The following PLA2G4D variants were observed in gnomAD, a reference collection of about 807,000 sequenced individuals.
PLA2G4D encodes phospholipase A2 group IVD, also known as cytosolic phospholipase A2 delta.
A neutral mutation model predicts 94.4 loss-of-function variants in PLA2G4D; 80 were observed. That is an observed-to-expected ratio of 0.85 (90% confidence interval 0.71 to 1.02). PLA2G4D has a LOEUF of 1.02. Ranked by LOEUF, PLA2G4D falls within the 50% of genes least tolerant of loss-of-function variation. PLA2G4D has a pLI of 0.00. For missense variants in PLA2G4D, 1,050 were observed against 1,034.7 expected (o/e 1.01, Z -0.20); for synonymous variants, 438 against 440.9 (o/e 0.99, Z 0.08).
At position 42,094,437 on chromosome 15, in the gene PLA2G4D, C is replaced by G; in HGVS notation, c.23G>C (p.Gly8Ala). ...TACCTGGTAAGGGTGGCCAGGTGGT[C>G]CCCCAGGTGACAGGCTCTCCATGCT... MESLSPG[G>A]PPGHPYQGEA... Residue 8 changes from glycine to alanine, a missense_variant, in exon 1 of 20, where the codon GGA (glycine) becomes GCA (alanine). Transcript: ENST00000290472. The G allele has an allele frequency of 6.2e-7, 1 of 1,614,056 alleles. No homozygotes were observed. Among genetic ancestry groups the G allele is most frequent in the Non-Finnish European group, 8.5e-7 (1 of 1,179,970 alleles).
At chr15:42,079,137 TAGTA>T (rs1889982792) in intron 13 of PLA2G4D, among the ~76,000 whole-genome samples, 1 of 152,230 alleles carries the variant, frequency 6.6e-6, no homozygotes, top group Non-Finnish European at 1.5e-5. Context: ...GACACACAGC[TAGTA>T]AGAGGTACTG....
At chr15:42,082,770 G>A (rs1327788062) in intron 8 of PLA2G4D, among the ~76,000 whole-genome samples, 1 of 152,156 alleles carries the variant, frequency 6.6e-6, no homozygotes, top group Non-Finnish European at 1.5e-5. Flanking sequence ...TGAGGAGGAG[G>A]AGGAGGAGGC....
chr15:42,085,276 A>G, intron 5 of PLA2G4D, 138 bp from the exon 6 acceptor site: 3 of 1,099,482 alleles, frequency 2.7e-6, no homozygotes, highest in Non-Finnish European at 4.2e-6. Flanking sequence ...GATGCTTTGC[A>G]GGAGGAGAGG....
In PLA2G4D at chr15:42,083,351, C is replaced by G. The variant is rs747683130; in HGVS notation, c.536-17G>C. 1 of 1,606,466 alleles carries G rather than the reference C, an allele frequency of 6.2e-7. No individual in the cohort carries two copies. The highest frequency in any genetic ancestry group is 8.5e-7 in the Non-Finnish European group (1 of 1,177,184). On this transcript the variant is annotated splice_polypyrimidine_tract_variant and intron_variant, in intron 7 of 19. Coordinates refer to ENST00000290472, the MANE Select transcript of PLA2G4D (RefSeq NM_178034.4). ...TGTCCTGATCTAGGGAGAGAGTAGGCGGGTTAGCATGAGAACAAGAGCCCG... is the reference window on the plus strand; with the variant it reads ...TGTCCTGATCTAGGGAGAGAGTAGGGGGGTTAGCATGAGAACAAGAGCCCG...
intron 1 of PLA2G4D, among the ~76,000 whole-genome samples, chr15:42,090,571 G>T (rs1370919686): frequency 6.6e-6 from 1 of 152,210 alleles, no homozygotes. Flanking sequence ...CCGGTGCCCT[G>T]TGGTGGGGTA....
At chr15:42,089,481 G>T (rs895405949) in intron 1 of PLA2G4D, among the ~76,000 whole-genome samples, 5 of 152,330 alleles carry the variant, frequency 3.3e-5, no homozygotes, top group African/African-American at 1.2e-4. Flanking sequence ...ACCTCCCCGA[G>T]CAAGGTAGAT....
intron 13 of PLA2G4D, among the ~76,000 whole-genome samples, chr15:42,072,813 A>G (rs1336800442): frequency 6.6e-6 from 1 of 152,192 alleles, no homozygotes; most frequent in Non-Finnish European, 1.5e-5. Flanking sequence ...CAGGGGATGG[A>G]CTGCCCCCTC....
In PLA2G4D at chr15:42,085,112, G is replaced by C. The variant is rs1366225843; in HGVS notation, c.455C>G (p.Thr152Ser). ...ETSDRPENLITNKVIVARELS... is the reference protein window; with the variant it reads ...ETSDRPENLISNKVIVARELS... ...GGTGCTTACCACAATGACTTTGTTG[G>C]TGATGAGGTTTTCTGGGCGATCTGA... The change falls in exon 6 of 20, where the codon ACC becomes AGC. Residue 152 changes from threonine (T) to serine (S), a missense_variant. Coordinates refer to ENST00000290472, the MANE Select transcript of PLA2G4D (RefSeq NM_178034.4). The C allele has an allele frequency of 1.2e-6, 2 of 1,614,062 alleles. No homozygotes were observed. Among genetic ancestry groups the C allele is most frequent in the Non-Finnish European group, 1.7e-6 (2 of 1,180,034 alleles).
chr15:42,090,044 T>C (rs925562742), intron 1 of PLA2G4D, among the ~76,000 whole-genome samples: 8 of 152,158 alleles, frequency 5.3e-5, no homozygotes, highest in Admixed American at 5.2e-4. Context: ...ATTGGGACAG[T>C]GATTACAATG....
intron 8 of PLA2G4D, among the ~76,000 whole-genome samples, chr15:42,082,983 G>A (rs1417016200): frequency 6.6e-6 from 1 of 152,220 alleles, no homozygotes; most frequent in Non-Finnish European, 1.5e-5. Context: ...AGGGGCCGCT[G>A]GAGGATTCAG....
chr15:42,077,122 C>A (rs1363817449), intron 13 of PLA2G4D, among the ~76,000 whole-genome samples: 1 of 152,140 alleles, frequency 6.6e-6, no homozygotes, highest in African/African-American at 2.4e-5. Flanking sequence ...AGTCAAGGAC[C>A]TGATGGCTTC....
At chr15:42,071,670 C>T in intron 15 of PLA2G4D, 104 bp downstream of exon 15, 1 of 1,342,730 alleles carries the variant, frequency 7.4e-7, no homozygotes, top group Non-Finnish European at 1.0e-6. Context: ...CCCGCCACCC[C>T]TCCCCCTTGT....
At chr15:42,085,348 C>G in intron 5 of PLA2G4D, 143 bp downstream of exon 5, 1 of 1,081,652 alleles carries the variant, frequency 9.2e-7, no homozygotes, top group Non-Finnish European at 1.4e-6. Flanking sequence ...CTAAGAGAAG[C>G]CCCGCCCCAC....
At chr15:42,090,283 G>A (rs75068385) in intron 1 of PLA2G4D, among the ~76,000 whole-genome samples, 12,328 of 152,172 alleles carry the variant, frequency 0.081, 586 homozygotes, top group Middle Eastern at 0.14. Context: ...CAGTTTTTAG[G>A]TAACTGCTAT....
Position 42,086,198 on chromosome 15 carries a change from C to G in PLA2G4D, c.387+15G>C, listed in dbSNP as rs1351996630. The stretch of plus-strand genomic sequence containing the variant: ...GAAGTGGGGCCCACGGGGACTTCCC[C>G]ACCCACCCACCCACCTGGGGACTCT... On this transcript the variant is annotated intron_variant, in intron 4 of 19. Transcript: ENST00000290472. The G allele has an allele frequency of 2.7e-6, 1 of 377,246 alleles. No homozygotes were observed. Among genetic ancestry groups the G allele is most frequent in the Non-Finnish European group, 5.0e-6 (1 of 200,536 alleles). 23.4% of individuals were successfully genotyped at this position (377,246 alleles called of 1,614,324 possible).
At position 42,067,580 on chromosome 15, in the gene PLA2G4D, G is replaced by T. The variant is rs1054816453; in HGVS notation, c.*1135C>A. 1 of 149,822 alleles carries T rather than the reference G, an allele frequency of 6.7e-6. No individual in the cohort carries two copies. Among genetic ancestry groups the T allele is most frequent in the African/African-American group, 2.4e-5 (1 of 40,958 alleles). The allele number at this position is 149,822 out of a possible 1,614,324, so 9.3% of individuals were successfully genotyped here. On this transcript the variant is annotated 3_prime_UTR_variant, in exon 20 of 20. Transcript: ENST00000290472. The stretch of plus-strand genomic sequence containing the variant: ...AAAAGAAAGAAAAAGAAAAAGAAAT[G>T]TGCCAGCAATAAACAAAAAGGTTTA...
chr15:42,093,400 AG>A (rs1890279657), intron 1 of PLA2G4D, among the ~76,000 whole-genome samples: 1 of 152,208 alleles, frequency 6.6e-6, no homozygotes, highest in South Asian at 2.1e-4. Context: ...ATGAGTTTAA[AG>A]GGGGAAATAT....
At position 42,068,952 on chromosome 15, in the gene PLA2G4D, G is replaced by T; in HGVS notation, c.2231-11C>A. 3 of 1,603,086 alleles carry T rather than the reference G, an allele frequency of 1.9e-6. No homozygotes were observed. The highest frequency in any genetic ancestry group is 2.6e-6 in the Non-Finnish European group (3 of 1,176,022). On this transcript the variant is annotated splice_polypyrimidine_tract_variant and intron_variant, in intron 19 of 19. Transcript: ENST00000290472. The stretch of plus-strand genomic sequence containing the variant: ...GGCTGCGCTGGACACCTGCCCAGGG[G>T]TAGGAGGGGTGTCAGGAGCAGGACG...
rs190195096 is a variant in PLA2G4D at position 42,069,222 on chromosome 15, G to A, written c.2231-281C>T. On this transcript the variant is annotated intron_variant, in intron 19 of 19. Coordinates refer to ENST00000290472, the MANE Select transcript of PLA2G4D (RefSeq NM_178034.4). ...TCTCTACATCGCTTCGAGGCAAGGT[G>A]GAAACAGCCAGAAGGGGGAAGTCAA... is the stretch of plus-strand genomic sequence containing the variant. Among the ~76,000 whole-genome samples the A allele has an allele frequency of 7.2e-5, 11 of 152,270 alleles. No individual in the cohort carries two copies. In the East Asian group the frequency reaches 2.1e-3, roughly 29 times the overall value.
Sources: gnomAD v4.1 joint callset for allele counts (sites outside exome capture counted in the v4.1 genomes callset) on GRCh38, gnomAD v4.1.1 for gene constraint, MANE v1.5 for transcripts, NCBI Gene and HGNC (gene_info 2026-07-23, HGNC 2026-07-21) for gene names.